Variants in DAG1 observed in about 807,000 individuals in gnomAD.
The protein encoded by DAG1 is dystroglycan 1.
DAG1 carries 8 observed loss-of-function variants against 46.1 expected under a neutral mutation model. The observed-to-expected ratio is 0.17, with a 90% CI of 0.10 to 0.31. The LOEUF (loss-of-function observed/expected upper bound fraction) is 0.31, where lower values mean the gene tolerates loss of function less well. Ranked by LOEUF, DAG1 falls within the 10% of genes least tolerant of loss-of-function variation. The pLI, the probability that DAG1 is intolerant of heterozygous loss-of-function variation, is 1.00. For missense variants in DAG1, 1,003 were observed against 1,189.9 expected (o/e 0.84, Z 2.31); for synonymous variants, 495 against 481.8 (o/e 1.03, Z -0.36).
rs552342838 is a variant in DAG1 at position 49,521,233 on chromosome 3, G to A, written c.286-9564G>A. 1.6e-4 allele frequency among the ~76,000 whole-genome samples: 24 copies of A among 151,956 alleles called. No homozygotes were observed. In the East Asian group the frequency reaches 3.3e-3, roughly 21 times the overall value. On this transcript the variant is annotated intron_variant, in intron 2 of 2. Coordinates refer to ENST00000308775, the MANE Select transcript of DAG1 (RefSeq NM_004393.6). ...GGCTGGAGTGCAGTGGCGCGATCTC[G>A]GCTCACTGCAAGCTCCGCCTCCTGG...
At chr3:49,507,600 A>G (rs1251449806) in intron 1 of DAG1, among the ~76,000 whole-genome samples, 4 of 151,588 alleles carry the variant, frequency 2.6e-5, no homozygotes, top group South Asian at 2.1e-4. Flanking sequence ...TACAAATTCA[A>G]TTTCCTTAAT....
intron 2 of DAG1, among the ~76,000 whole-genome samples, chr3:49,519,549 G>C (rs1018537838): frequency 6.6e-6 from 1 of 152,202 alleles, no homozygotes; most frequent in African/African-American, 2.4e-5. Context: ...CCGCCTGTGT[G>C]AGATGAGCTG....
chr3:49,525,296 G>GGA (rs1342868174), intron 2 of DAG1, among the ~76,000 whole-genome samples: 1 of 152,180 alleles, frequency 6.6e-6, no homozygotes, highest in Non-Finnish European at 1.5e-5. Flanking sequence ...TTTGCAGAGG[G>GGA]GAAAGCAGGT....
intron 2 of DAG1, among the ~76,000 whole-genome samples, chr3:49,529,050 C>G (rs550911868): frequency 1.3e-5 from 2 of 152,030 alleles, no homozygotes; most frequent in African/African-American, 4.8e-5. Flanking sequence ...GGGGTTTCGC[C>G]GTGTTGGCCA....
At chr3:49,508,887 T>C (rs903178535) in intron 1 of DAG1, among the ~76,000 whole-genome samples, 3 of 152,204 alleles carry the variant, frequency 2.0e-5, no homozygotes, top group Non-Finnish European at 2.9e-5. Context: ...TGAATGTATC[T>C]CTATATATAC....
chr3:49,476,041 T>C (rs940809892), intron 1 of DAG1, among the ~76,000 whole-genome samples: 1 of 152,064 alleles, frequency 6.6e-6, no homozygotes, highest in Non-Finnish European at 1.5e-5. Flanking sequence ...TTAGTTTTAC[T>C]CAGGGTCCAG....
intron 2 of DAG1, among the ~76,000 whole-genome samples, chr3:49,525,800 C>T (rs558497811): frequency 1.3e-5 from 2 of 151,732 alleles, no homozygotes; most frequent in Non-Finnish European, 2.9e-5. Context: ...CCTCGTGATC[C>T]GCCTGCCTCA....
intron 2 of DAG1, among the ~76,000 whole-genome samples, chr3:49,525,640 C>T (rs1421739786): frequency 6.6e-6 from 1 of 151,594 alleles, no homozygotes; most frequent in African/African-American, 2.4e-5. Flanking sequence ...TCACTGCAGG[C>T]TCCGCCCCCC....
intron 1 of DAG1, among the ~76,000 whole-genome samples, chr3:49,494,270 T>G (rs1184488097): frequency 6.6e-6 from 1 of 152,198 alleles, no homozygotes; most frequent in East Asian, 1.9e-4. Flanking sequence ...ATAAATATTC[T>G]GCAGTGAATA....
At chr3:49,527,630 G>T (rs1462967585) in intron 2 of DAG1, among the ~76,000 whole-genome samples, 5 of 152,188 alleles carry the variant, frequency 3.3e-5, no homozygotes, top group Middle Eastern at 3.2e-3. Context: ...GTGATCCCGG[G>T]AGGCGGAGCT....
intron 1 of DAG1, among the ~76,000 whole-genome samples, chr3:49,505,962 G>A (rs1238439004): frequency 1.4e-5 from 2 of 147,142 alleles, no homozygotes; most frequent in African/African-American, 2.5e-5. Flanking sequence ...GAGCCACCAC[G>A]CCCGGCCTAT....
At chr3:49,493,220 A>G (rs764541162) in intron 1 of DAG1, among the ~76,000 whole-genome samples, 2 of 151,010 alleles carry the variant, frequency 1.3e-5, no homozygotes, top group Admixed American at 6.6e-5. Context: ...ATTTTTTCAT[A>G]TTTTGTAGAG....
intron 2 of DAG1, among the ~76,000 whole-genome samples, chr3:49,513,500 C>T (rs1268329427): frequency 1.3e-5 from 2 of 152,106 alleles, no homozygotes; most frequent in Non-Finnish European, 1.5e-5. Context: ...TTAGAAATGG[C>T]CACAAGTTCT....
intron 1 of DAG1, chr3:49,487,106 C>T (rs1358707390): frequency 3.3e-5 from 5 of 152,152 alleles, no homozygotes; most frequent in South Asian, 4.2e-4. Context: ...AGACTGATCT[C>T]GAACTCCTGG....
chr3:49,530,065 A>T (rs2051297045), intron 2 of DAG1, among the ~76,000 whole-genome samples: 1 of 152,062 alleles, frequency 6.6e-6, no homozygotes. Context: ...GAGAGACCAG[A>T]GCTCCTTGGG....
At chr3:49,482,615 ACTT>A (rs1216191912) in intron 1 of DAG1, among the ~76,000 whole-genome samples, 1 of 152,082 alleles carries the variant, frequency 6.6e-6, no homozygotes, top group Non-Finnish European at 1.5e-5. Context: ...CTTCCCTTAA[ACTT>A]AATTATGACG....
Position 49,530,955 on chromosome 3 carries a change from C to T in DAG1, c.444C>T (p.Thr148=), listed in dbSNP as rs1327249286. 1.2e-6 allele frequency: 2 copies of T among 1,614,154 alleles called. No individual in the cohort carries two copies. The highest frequency in any genetic ancestry group is 1.1e-5 in the South Asian group (1 of 91,074). Residue 148 remains threonine, a synonymous_variant, in exon 3 of 3, where the codon ACC becomes ACT. Transcript: ENST00000308775. ...LGANGSHIPQ[T]SSVFSIEVYP... ...CCAACGGGAGCCACATCCCCCAGAC[C>T]TCCAGTGTGTTCTCCATCGAGGTCT...
chr3:49,491,351 G>A (rs889501218), intron 1 of DAG1, among the ~76,000 whole-genome samples: 8 of 144,558 alleles, frequency 5.5e-5, no homozygotes, highest in African/African-American at 1.3e-4. Flanking sequence ...TCATTCTTTC[G>A]CCCAGGTTGG....
At position 49,502,638 on chromosome 3, in the gene DAG1, CTTTTTTTTT is replaced by C. The variant is rs66475946; in HGVS notation, c.-116-7771_-116-7763del. Among the ~76,000 whole-genome samples the C allele has an allele frequency of 5.3e-5, 6 of 112,662 alleles. No individual in the cohort carries two copies. The South Asian group carries it at 1.9e-3, about 35-fold the overall frequency. The allele number at this position is 112,662 out of a possible 152,430, so 73.9% of individuals were successfully genotyped here. ...TAAATTGTAAGACATCTTTAACTTT[CTTTTTTTTT>C]TTTTTTTTTGAGACGGAGTCTTGCT... On this transcript the variant is annotated intron_variant, in intron 1 of 2. Transcript: ENST00000308775.
Sources: gnomAD v4.1 joint callset for allele counts (sites outside exome capture counted in the v4.1 genomes callset) on GRCh38, gnomAD v4.1.1 for gene constraint, MANE v1.5 for transcripts, NCBI Gene and HGNC (gene_info 2026-07-23, HGNC 2026-07-21) for gene names.